Variants in TAC4 observed in about 807,000 individuals in gnomAD.
TAC4 encodes tachykinin precursor 4.
TAC4 carries 17 observed loss-of-function variants against 17.7 expected under a neutral mutation model. The observed-to-expected ratio is 0.96, with a 90% confidence interval of 0.66 to 1.44. TAC4 has a LOEUF of 1.44. Ranked by LOEUF, TAC4 falls within the 40% of genes most tolerant of loss-of-function variation. The pLI, the probability that TAC4 is intolerant of heterozygous loss-of-function variation, is 0.00. For missense variants in TAC4, 118 were observed against 125.6 expected (o/e 0.94, Z 0.29); for synonymous variants, 62 against 52.4 (o/e 1.18, Z -0.79).
chr17:49,847,800 A>G (rs1300388614), intron 1 of TAC4, 113 bp downstream of exon 1: 2 of 1,583,456 alleles, frequency 1.3e-6, no homozygotes, highest in Admixed American at 3.4e-5. Flanking sequence ...CTTGCCTTGC[A>G]GACTGCCTGC....
At chr17:49,845,241 T>C (rs574496339) in intron 1 of TAC4, among the ~76,000 whole-genome samples, 1 of 152,330 alleles carries the variant, frequency 6.6e-6, no homozygotes, top group South Asian at 2.1e-4. Context: ...GTGGAGGCTA[T>C]TACCCTGGGC....
At chr17:49,841,641 G>T in intron 2 of TAC4, 57 bp from the exon 3 acceptor site, 1 of 1,489,092 alleles carries the variant, frequency 6.7e-7, no homozygotes, top group Admixed American at 2.4e-5. Context: ...TGGGGGCTTG[G>T]TGAGGTGGAA....
At chr17:49,841,027 C>T (rs2074493776) in intron 3 of TAC4, among the ~76,000 whole-genome samples, 1 of 150,740 alleles carries the variant, frequency 6.6e-6, no homozygotes, top group South Asian at 2.1e-4. Context: ...CCACAGGCAC[C>T]TGCCACTACA....
At chr17:49,840,159 G>A (rs1472829885) in intron 3 of TAC4, among the ~76,000 whole-genome samples, 4 of 152,158 alleles carry the variant, frequency 2.6e-5, no homozygotes, top group Non-Finnish European at 5.9e-5. Flanking sequence ...CTTCACAAAC[G>A]CCTGGTGGTG....
In TAC4 at chr17:49,847,928, A is replaced by G; in HGVS notation, c.90T>C (p.Thr30=). The G allele has an allele frequency of 1.9e-6, 3 of 1,614,094 alleles. No homozygotes were observed. The highest frequency in any genetic ancestry group is 1.7e-5 in the Admixed American group (1 of 60,012). The part of the protein sequence containing the change: ...GDGGEEQTLS[T]EAETWEGAGP... ...CCACAATTACCCAGGTCTCTGCTTCAGTGCTGAGTGTCTGTTCCTCTCCAC... is the reference window on the plus strand; with the variant it reads ...CCACAATTACCCAGGTCTCTGCTTCGGTGCTGAGTGTCTGTTCCTCTCCAC... The change falls in exon 1 of 5, where the codon ACT becomes ACC. Residue 30 remains threonine, a synonymous_variant. Coordinates refer to ENST00000436235, the MANE Select transcript of TAC4 (RefSeq NM_001077506.2).
intron 1 of TAC4, chr17:49,846,299 C>G (rs1009482668): frequency 8.7e-7 from 1 of 1,150,592 alleles, no homozygotes; most frequent in Admixed American, 2.4e-5. Context: ...TTTTTTGAGA[C>G]AGGGTCTCGC....
At chr17:49,841,622 C>A (rs755696281) in intron 2 of TAC4, 38 bp from the exon 3 acceptor site, 1 of 1,521,416 alleles carries the variant, frequency 6.6e-7, no homozygotes, top group Non-Finnish European at 8.8e-7. Context: ...ACGGACTGCA[C>A]TGCTTCCCTG....
intron 4 of TAC4, 149 bp downstream of exon 4, chr17:49,839,701 C>T (rs2074482363): frequency 7.5e-6 from 5 of 666,698 alleles, no homozygotes; most frequent in Non-Finnish European, 1.3e-5. Flanking sequence ...CACCTCCTTG[C>T]ACTCGACTGC....
chr17:49,846,536 C>T (rs1480876467), intron 1 of TAC4, among the ~76,000 whole-genome samples: 1 of 152,170 alleles, frequency 6.6e-6, no homozygotes, highest in Non-Finnish European at 1.5e-5. Flanking sequence ...CTCTGCCTCC[C>T]AAAGTGCTGG....
chr17:49,847,414 G>T lies in TAC4; in HGVS notation c.105+499C>A. 5.3e-6 allele frequency: 3 copies of T among 562,946 alleles called. No individual in the cohort carries two copies. The South Asian group carries it at 5.8e-5, about 11-fold the overall frequency. 34.9% of individuals were successfully genotyped at this position (562,946 alleles called of 1,614,324 possible). On this transcript the variant is annotated intron_variant, in intron 1 of 4. Transcript: ENST00000436235. The stretch of plus-strand genomic sequence containing the variant: ...TGGTCCTGTTTAAGTTGATCCCCTT[G>T]AAAGAAAATTCTGGAAAAGCTCCTC...
intron 3 of TAC4, 58 bp downstream of exon 3, chr17:49,841,494 G>C: frequency 1.3e-6 from 2 of 1,505,754 alleles, no homozygotes; most frequent in Non-Finnish European, 1.8e-6. Flanking sequence ...TGTTTGTGCT[G>C]AGGACAACTC....
At chr17:49,841,244 C>CTTTTTTTTTTTTTTTTT in intron 3 of TAC4, among the ~76,000 whole-genome samples, 1 of 110,362 alleles carries the variant, frequency 9.1e-6, no homozygotes, top group Non-Finnish European at 1.9e-5. Context: ...TAGTGGTTGA[C>CTTTTTTTTTTTTTTTTT]TTTTTTTTTT....
At chr17:49,845,412 G>T (rs1333489770) in intron 1 of TAC4, among the ~76,000 whole-genome samples, 5 of 152,174 alleles carry the variant, frequency 3.3e-5, no homozygotes, top group African/African-American at 1.2e-4. Flanking sequence ...TGCTGAAAGG[G>T]AGTCGCTCCC....
chr17:49,842,728 TTTCTC>T (rs2074508021), intron 2 of TAC4, among the ~76,000 whole-genome samples: 1 of 152,166 alleles, frequency 6.6e-6, no homozygotes, highest in African/African-American at 2.4e-5. Flanking sequence ...CTCTCTTCCC[TTTCTC>T]CCCCCTCATC....
chr17:49,841,243 ACTT>A (rs2074495611), intron 3 of TAC4, among the ~76,000 whole-genome samples: 1 of 129,132 alleles, frequency 7.7e-6, no homozygotes, highest in South Asian at 2.3e-4. Flanking sequence ...CTAGTGGTTG[ACTT>A]TTTTTTTTTT....
chr17:49,845,443 G>A (rs1303582095), intron 1 of TAC4, among the ~76,000 whole-genome samples: 4 of 152,162 alleles, frequency 2.6e-5, no homozygotes, highest in African/African-American at 7.2e-5. Context: ...AGTGACAGTG[G>A]GTAACATTCA....
At chr17:49,841,101 G>A (rs1018747805) in intron 3 of TAC4, among the ~76,000 whole-genome samples, 2 of 151,652 alleles carry the variant, frequency 1.3e-5, no homozygotes, top group East Asian at 3.9e-4. Context: ...GGCCAGGCTG[G>A]TCTCGAACTC....
intron 1 of TAC4, chr17:49,847,692 GACACACAC>G (rs150685532): frequency 0.032 from 13,661 of 432,644 alleles, 123 homozygotes; most frequent in Middle Eastern, 0.055. Flanking sequence ...CACACACACA[GACACACAC>G]ACACACACAC....
At position 49,843,131 on chromosome 17, in the gene TAC4, A is replaced by G. The variant is rs117849908; in HGVS notation, c.199+933T>C. Among the ~76,000 whole-genome samples, 26 of 152,378 alleles carry G rather than the reference A, an allele frequency of 1.7e-4. No individual in the cohort carries two copies. The East Asian group carries it at 4.4e-3, about 26-fold the overall frequency. On this transcript the variant is annotated intron_variant, in intron 2 of 4. Transcript: ENST00000436235. ...GAGACTCTGGGTCAGAAAGGTAAGC[A>G]CATTTCCAACTTGCCTGGATATTGC...
Sources: allele counts gnomAD v4.1 joint callset (sites outside exome capture counted in the v4.1 genomes callset), GRCh38; gene constraint gnomAD v4.1.1; transcripts MANE v1.5; gene names NCBI Gene and HGNC (gene_info 2026-07-23, HGNC 2026-07-21).